The following ADCY1 variants were observed in gnomAD, a reference collection of about 807,000 sequenced individuals.
The protein encoded by ADCY1 is adenylate cyclase type 1.
ADCY1 carries 28 observed loss-of-function variants against 105.4 expected under a neutral mutation model. The ratio of observed to expected loss-of-function variants is 0.27; its 90% CI spans 0.20 to 0.36. The LOEUF is 0.36. ADCY1 is among the 10% of genes least tolerant of loss of function. The pLI is 1.00. For missense variants in ADCY1, 977 were observed against 1,434.2 expected, an observed-to-expected ratio of 0.68 and a Z score of 5.15; for synonymous variants, 655 against 623.8, an observed-to-expected ratio of 1.05 and a Z score of -0.75.
chr7:45,676,285 C>T (rs991603868), intron 8 of ADCY1, among the ~76,000 whole-genome samples: 6 of 152,092 alleles, frequency 3.9e-5, no homozygotes, highest in Non-Finnish European at 8.8e-5. Context: ...TTCATAATTA[C>T]TTATTGAAGC....
chr7:45,722,419 A>G lies in ADCY1; in HGVS notation c.*8424A>G, dbSNP rs545927202. 6.6e-6 allele frequency: 1 copy of G among 152,402 alleles called. No homozygotes were observed. The highest frequency in any genetic ancestry group is 1.9e-4 in the East Asian group (1 of 5,182). The allele number at this position is 152,402 out of a possible 1,614,324, so 9.4% of individuals were successfully genotyped here. On this transcript the variant is annotated 3_prime_UTR_variant, in exon 20 of 20. Coordinates refer to ENST00000297323, the MANE Select transcript of ADCY1 (RefSeq NM_021116.4). ...TGGCTGCAGAGCATCCCTGGGAGCC[A>G]AGGCGAGGCCCGTGGAGCCTGAGCT...
At chr7:45,636,564 G>C (rs1794402387) in intron 4 of ADCY1, among the ~76,000 whole-genome samples, 1 of 152,048 alleles carries the variant, frequency 6.6e-6, no homozygotes, top group Non-Finnish European at 1.5e-5. Context: ...GTTTGTTTTT[G>C]TTGGGACAGA....
intron 1 of ADCY1, among the ~76,000 whole-genome samples, chr7:45,580,642 C>T (rs544648503): frequency 2.1e-4 from 32 of 152,338 alleles, no homozygotes; most frequent in African/African-American, 7.2e-4. Flanking sequence ...GTGGACTGGG[C>T]GCTCAGCCAG....
Position 45,685,842 on chromosome 7 carries a change from TG to T in ADCY1, c.2074-115del, listed in dbSNP as rs1348150532. On this transcript the variant is annotated intron_variant, in intron 12 of 19. Coordinates refer to ENST00000297323, the MANE Select transcript of ADCY1 (RefSeq NM_021116.4). ...GGTCTGTGGCTTGGTGTGATAGCAC[TG>T]GGGGTGGGTCAGAGCAAAACCTTGG... The T allele has an allele frequency of 7.8e-6, 10 of 1,276,120 alleles. 1 individual carries two copies. The African/African-American group carries it at 1.0e-4, about 13-fold the overall frequency. 79.0% of individuals were successfully genotyped at this position (1,276,120 alleles called of 1,614,324 possible).
At chr7:45,666,138 C>CT (rs958516080) in intron 8 of ADCY1, among the ~76,000 whole-genome samples, 18 of 152,060 alleles carry the variant, frequency 1.2e-4, no homozygotes, top group South Asian at 4.2e-4. Flanking sequence ...TTTTCTCTCT[C>CT]TTTTTTTTAA....
chr7:45,685,011 C>A lies in ADCY1; in HGVS notation c.2016C>A (p.Arg672=), dbSNP rs1456887234. The stretch of plus-strand genomic sequence containing the variant: ...CAGGGTGCCTGACGATTCAGATTCG[C>A]ACTGTCCTGTGTATTTTCATAGTGG... The part of the protein sequence containing the change: ...CFPGCLTIQI[R]TVLCIFIVVL... The change falls in exon 12 of 20, where the codon CGC becomes CGA. Residue 672 remains arginine, a synonymous_variant. Coordinates refer to ENST00000297323, the MANE Select transcript of ADCY1 (RefSeq NM_021116.4). 36 of 1,614,096 alleles carry A rather than the reference C, an allele frequency of 2.2e-5. No homozygotes were observed. The Admixed American group carries it at 5.7e-4, about 25-fold the overall frequency.
At chr7:45,671,495 C>G (rs1206196372) in intron 8 of ADCY1, among the ~76,000 whole-genome samples, 1 of 152,070 alleles carries the variant, frequency 6.6e-6, no homozygotes, top group Admixed American at 6.5e-5. Context: ...CATAAACTGC[C>G]GAACTGTTTT....
At chr7:45,712,767 T>C (rs1006581708) in intron 19 of ADCY1, among the ~76,000 whole-genome samples, 1 of 152,158 alleles carries the variant, frequency 6.6e-6, no homozygotes, top group Non-Finnish European at 1.5e-5. Flanking sequence ...ACCTCCAACA[T>C]AACGCAGAGA....
At chr7:45,668,898 A>G (rs1187971716) in intron 8 of ADCY1, among the ~76,000 whole-genome samples, 1 of 151,992 alleles carries the variant, frequency 6.6e-6, no homozygotes, top group Non-Finnish European at 1.5e-5. Flanking sequence ...TTTCTTCTAG[A>G]TTTTCTAGTT....
chr7:45,686,117 A>G lies in ADCY1; in HGVS notation c.2229A>G (p.Ile743Met). Residue 743 changes from isoleucine to methionine, a missense_variant, in exon 13 of 20, where the codon ATA becomes ATG. Around this residue, in one of 7 missense-constraint regions of ADCY1, gnomAD observed 275 missense variants for 362.1 expected, o/e 0.76. Transcript: ENST00000297323. The surrounding 1 kb of genome is among the most constrained non-coding windows in gnomAD (Gnocchi z 4.3). ...TGGTGGGCACCCTCCCGCTAGCCAT[A>G]TTTTTCCGGGTGTCCTCCTTGCCAA... is the stretch of plus-strand genomic sequence containing the variant. ...CCLVGTLPLA[I>M]FFRVSSLPKM... The G allele has an allele frequency of 6.2e-7, 1 of 1,613,832 alleles. No homozygotes were observed. The highest frequency in any genetic ancestry group is 8.5e-7 in the Non-Finnish European group (1 of 1,179,964).
At chr7:45,637,024 C>G (rs1291081088) in intron 4 of ADCY1, among the ~76,000 whole-genome samples, 1 of 151,882 alleles carries the variant, frequency 6.6e-6, no homozygotes, top group Non-Finnish European at 1.5e-5. Flanking sequence ...TTTTTGTTTT[C>G]TTTGGCCATT....
Position 45,721,831 on chromosome 7 carries a change from G to A in ADCY1, c.*7836G>A, listed in dbSNP as rs1433459778. Reference sequence around the variant, plus strand: ...GCATTGGTTCCTGCTGGTACCGGGCGGTTCAGACCTTCAAATAGGTTGCTT... The same window carrying A: ...GCATTGGTTCCTGCTGGTACCGGGCAGTTCAGACCTTCAAATAGGTTGCTT... On this transcript the variant is annotated 3_prime_UTR_variant, in exon 20 of 20. Transcript: ENST00000297323. 3 of 398,490 alleles carry A rather than the reference G, an allele frequency of 7.5e-6. No homozygotes were observed. Among genetic ancestry groups the A allele is most frequent in the Admixed American group, 4.4e-5 (1 of 22,716 alleles). The allele number at this position is 398,490 out of a possible 1,614,324, so 24.7% of individuals were successfully genotyped here.
At chr7:45,610,780 G>A (rs796421993) in intron 3 of ADCY1, among the ~76,000 whole-genome samples, 1 of 57,586 alleles carries the variant, frequency 1.7e-5, no homozygotes, top group African/African-American at 6.5e-5. Flanking sequence ...GTGGAGGTGT[G>A]GGGGTGATGG....
intron 4 of ADCY1, among the ~76,000 whole-genome samples, chr7:45,641,931 T>TAAAAAAAAA (rs1794535377): frequency 1.5e-3 from 1 of 674 alleles, no homozygotes. Flanking sequence ...AGACTCCGTC[T>TAAAAAAAAA]CAAAAAAAAA....
At position 45,717,877 on chromosome 7, in the gene ADCY1, A is replaced by G. The variant is rs1473871761; in HGVS notation, c.*3882A>G. 4 of 152,768 alleles carry G rather than the reference A, an allele frequency of 2.6e-5. No homozygotes were observed. The highest frequency in any genetic ancestry group is 4.4e-5 in the Non-Finnish European group (3 of 68,054). The allele number at this position is 152,768 out of a possible 1,614,324, so 9.5% of individuals were successfully genotyped here. ...TTCTGGAACACCTGTCATAGAAGCA[A>G]TAACTCTAACTCTATACTGTAGAGA... On this transcript the variant is annotated 3_prime_UTR_variant, in exon 20 of 20. Transcript: ENST00000297323.
intron 8 of ADCY1, among the ~76,000 whole-genome samples, chr7:45,673,497 G>GT (rs1400311089): frequency 6.6e-6 from 1 of 152,146 alleles, no homozygotes; most frequent in Non-Finnish European, 1.5e-5. Flanking sequence ...TGTTGGATGA[G>GT]TTGTGGTAGT....
chr7:45,606,573 A>G (rs560578112), intron 2 of ADCY1, among the ~76,000 whole-genome samples: 1 of 152,260 alleles, frequency 6.6e-6, no homozygotes, highest in African/African-American at 2.4e-5. Context: ...TGGTTTCAAG[A>G]TTTCTGCCTT....
chr7:45,691,115 T>G (rs6975239), intron 14 of ADCY1, among the ~76,000 whole-genome samples: 141,102 of 152,228 alleles, frequency 0.93, 65,871 homozygotes, highest in East Asian at 1. Context: ...CTTGGCTTTG[T>G]TGTTCTTTGA....
intron 8 of ADCY1, among the ~76,000 whole-genome samples, chr7:45,675,635 A>G (rs1784442305): frequency 6.6e-6 from 1 of 151,892 alleles, no homozygotes. Flanking sequence ...CTAGATGTTG[A>G]ATTCTGGGTT....
Sources: allele counts gnomAD v4.1 joint callset (sites outside exome capture counted in the v4.1 genomes callset), GRCh38; gene constraint gnomAD v4.1.1; regional missense constraint gnomAD v4.1.1; non-coding constraint Gnocchi (gnomAD v3.1); transcripts MANE v1.5; gene names NCBI Gene and HGNC (gene_info 2026-07-23, HGNC 2026-07-21).